The following GUCY2C variants were observed in gnomAD, a reference collection of about 807,000 sequenced individuals.
GUCY2C encodes the protein guanylate cyclase 2C, also known as guanylyl cyclase C.
Under a neutral mutation model 131.1 loss-of-function variants are expected in GUCY2C, and 118 were observed. The observed-to-expected ratio is 0.90, with a 90% CI of 0.78 to 1.05. GUCY2C has a LOEUF of 1.05. Among genes scored for constraint, GUCY2C ranks in the 50% least tolerant of loss-of-function variants. The probability of loss-of-function intolerance (pLI) is 0.00; values close to 1 mark genes in which losing one functional copy is unlikely to be tolerated. For missense variants in GUCY2C, 1,161 were observed against 1,304.4 expected (o/e 0.89, Z 1.69); for synonymous variants, 452 against 457.8 (o/e 0.99, Z 0.16).
At chr12:14,687,574 T>C (rs141336651) in intron 2 of GUCY2C, among the ~76,000 whole-genome samples, 15 of 152,266 alleles carry the variant, frequency 9.9e-5, no homozygotes, top group African/African-American at 3.6e-4. Flanking sequence ...GAGCCATGAT[T>C]ATGCCACTGC....
chr12:14,693,507 A>G (rs1367888351), intron 1 of GUCY2C, among the ~76,000 whole-genome samples: 2 of 152,210 alleles, frequency 1.3e-5, no homozygotes, highest in Admixed American at 6.5e-5. Flanking sequence ...TGAACATCAC[A>G]TATAACGCTT....
chr12:14,646,160 A>G (rs1947519833), intron 15 of GUCY2C, among the ~76,000 whole-genome samples: 1 of 152,168 alleles, frequency 6.6e-6, no homozygotes, highest in Admixed American at 6.6e-5. Context: ...TCAAGTCACT[A>G]TTTTAATATG....
chr12:14,620,827 T>C (rs1047509343), intron 23 of GUCY2C, among the ~76,000 whole-genome samples: 3 of 152,166 alleles, frequency 2.0e-5, no homozygotes, highest in Non-Finnish European at 4.4e-5. Context: ...ATGTCAGCAG[T>C]CAGTGGTGCC....
chr12:14,621,646 T>G (rs570383927), intron 22 of GUCY2C, among the ~76,000 whole-genome samples: 2 of 152,332 alleles, frequency 1.3e-5, no homozygotes, highest in Non-Finnish European at 2.9e-5. Context: ...TGTAGTATGA[T>G]TTTCTATTTA....
chr12:14,620,927 A>T, intron 23 of GUCY2C, 115 bp downstream of exon 23: 1 of 789,150 alleles, frequency 1.3e-6, no homozygotes, highest in Non-Finnish European at 2.0e-6. Context: ...AAAAAGAATT[A>T]AGAGTAAAAA....
chr12:14,652,348 T>C (rs1444288049), intron 13 of GUCY2C, among the ~76,000 whole-genome samples: 1 of 152,082 alleles, frequency 6.6e-6, no homozygotes, highest in East Asian at 1.9e-4. Flanking sequence ...CTAATTTTTG[T>C]ATTTTTAGGA....
intron 19 of GUCY2C, among the ~76,000 whole-genome samples, chr12:14,635,536 C>T (rs1947250170): frequency 6.6e-6 from 1 of 151,896 alleles, no homozygotes; most frequent in Non-Finnish European, 1.5e-5. Context: ...AACAAGGCAC[C>T]TCAAGGAATT....
intron 25 of GUCY2C, among the ~76,000 whole-genome samples, chr12:14,615,260 G>A (rs2136967658): frequency 6.6e-6 from 1 of 152,112 alleles, no homozygotes; most frequent in South Asian, 2.1e-4. Context: ...ACTTAAAAAG[G>A]AAGAAAATTC....
intron 11 of GUCY2C, among the ~76,000 whole-genome samples, chr12:14,659,527 C>T (rs1330537583): frequency 6.6e-6 from 1 of 152,186 alleles, no homozygotes; most frequent in African/African-American, 2.4e-5. Flanking sequence ...TTAATGTCCC[C>T]TAAGCAGAAA....
chr12:14,658,902 T>C (rs1444425176), intron 11 of GUCY2C, among the ~76,000 whole-genome samples: 2 of 151,540 alleles, frequency 1.3e-5, no homozygotes, highest in African/African-American at 4.8e-5. Flanking sequence ...ACTATTTTCA[T>C]TTATATAATG....
intron 21 of GUCY2C, 149 bp from the exon 22 acceptor site, chr12:14,622,346 G>A (rs1246439493): frequency 3.4e-5 from 19 of 559,822 alleles, no homozygotes; most frequent in Admixed American, 1.5e-4. Context: ...CAGAGGTTGT[G>A]TATATCATAT....
At chr12:14,671,439 A>G (rs937982785) in intron 9 of GUCY2C, among the ~76,000 whole-genome samples, 11 of 152,078 alleles carry the variant, frequency 7.2e-5, no homozygotes, top group African/African-American at 2.7e-4. Context: ...CACCCTGCCC[A>G]ATGTTACATT....
chr12:14,640,283 C>T (rs2137017525), intron 18 of GUCY2C, among the ~76,000 whole-genome samples: 1 of 151,906 alleles, frequency 6.6e-6, no homozygotes, highest in East Asian at 1.9e-4. Context: ...ATGGTGAAAC[C>T]CCGTCTCTAC....
At chr12:14,687,824 G>A in intron 2 of GUCY2C, 127 bp downstream of exon 2, 1 of 635,368 alleles carries the variant, frequency 1.6e-6, no homozygotes, top group Non-Finnish European at 2.9e-6. Context: ...CTGGTACTCG[G>A]CCACTCATTC....
chr12:14,664,098 C>T (rs1331539122), intron 10 of GUCY2C, among the ~76,000 whole-genome samples: 2 of 152,072 alleles, frequency 1.3e-5, no homozygotes, highest in African/African-American at 4.8e-5. Context: ...CCTCTATTAC[C>T]TTGTTTTGTG....
At position 14,619,240 on chromosome 12, in the gene GUCY2C, G is replaced by A; in HGVS notation, c.2846C>T (p.Thr949Ile). The change falls in exon 24 of 27, where the codon ACA becomes ATA. Residue 949 changes from threonine (T) to isoleucine (I), a missense_variant. Transcript: ENST00000261170. The part of the protein sequence containing the change: ...RYCLFGDTVN[T>I]ASRMESTGLP... ...GCCAGTGGATTCCATCCTAGAGGCT[G>A]TGTTGACCGTATCTCCAAATAGACA... is the stretch of plus-strand genomic sequence containing the variant. 6.2e-7 allele frequency: 1 copy of A among 1,609,948 alleles called. No homozygotes were observed. Among genetic ancestry groups the A allele is most frequent in the Non-Finnish European group, 8.5e-7 (1 of 1,176,262 alleles).
Position 14,676,897 on chromosome 12 carries a change from C to G in GUCY2C, c.905G>C (p.Gly302Ala). The change falls in exon 7 of 27, where the codon GGG becomes GCG. Residue 302 changes from glycine (G) to alanine (A), a missense_variant. Transcript: ENST00000261170. Reference sequence around the variant, plus strand: ...GAAAGAGCTATTTAGAAGGGAATTCCCAGGAGACAGCGTCAGAACAAGGAC... The same window carrying G: ...GAAAGAGCTATTTAGAAGGGAATTCGCAGGAGACAGCGTCAGAACAAGGAC... ...KNVLVLTLSP[G>A]NSLLNSSFSR... The G allele has an allele frequency of 6.4e-7, 1 of 1,564,200 alleles. No individual in the cohort carries two copies. Among genetic ancestry groups the G allele is most frequent in the Non-Finnish European group, 8.7e-7 (1 of 1,145,674 alleles).
At chr12:14,629,267 T>C (rs1592086571) in intron 19 of GUCY2C, among the ~76,000 whole-genome samples, 1 of 152,002 alleles carries the variant, frequency 6.6e-6, no homozygotes, top group Non-Finnish European at 1.5e-5. Context: ...TTATTGGGGG[T>C]CTGAAGAAAC....
chr12:14,695,601 A>AC (rs1491235393), intron 1 of GUCY2C, among the ~76,000 whole-genome samples: 2 of 77,854 alleles, frequency 2.6e-5, no homozygotes, highest in Non-Finnish European at 4.5e-5. Flanking sequence ...ACTCCATCTC[A>AC]AAAAAAAAAA....
Sources: allele counts gnomAD v4.1 joint callset (sites outside exome capture counted in the v4.1 genomes callset), GRCh38; gene constraint gnomAD v4.1.1; transcripts MANE v1.5; gene names NCBI Gene and HGNC (gene_info 2026-07-23, HGNC 2026-07-21).